MED16: variants seen among roughly 807,000 people sequenced by gnomAD.
The protein encoded by MED16 is mediator of RNA polymerase II transcription subunit 16.
Under a neutral mutation model 84.4 loss-of-function variants are expected in MED16, and 81 were observed. That is an observed-to-expected ratio of 0.96 (90% CI 0.80 to 1.15). MED16 has a LOEUF of 1.15. MED16 is among the 50% of genes most tolerant of loss of function. The pLI, the probability that MED16 is intolerant of heterozygous loss-of-function variation, is 0.00. For missense variants in MED16, 1,585 were observed against 1,245.9 expected (o/e 1.27, Z -4.10); for synonymous variants, 897 against 552.2 (o/e 1.62, Z -8.76).
intron 9 of MED16, among the ~76,000 whole-genome samples, chr19:875,806 C>T (rs1377585487): frequency 2.0e-5 from 3 of 152,130 alleles, no homozygotes; most frequent in Admixed American, 2.0e-4. Context: ...CTCCAGCCCC[C>T]GATGTCTGTG....
chr19:890,855 G>C (rs557691385), intron 2 of MED16, 108 bp downstream of exon 2: 41 of 1,217,166 alleles, frequency 3.4e-5, no homozygotes, highest in Admixed American at 1.9e-4. Context: ...GGGTGAGTGA[G>C]AGGTGGCCTG....
chr19:877,331 G>GTCTGTACCT, intron 8 of MED16, 151 bp from the exon 9 acceptor site: 1 of 724,018 alleles, frequency 1.4e-6, no homozygotes, highest in Non-Finnish European at 2.3e-6. Context: ...TGTCTGTAGC[G>GTCTGTACCT]TCTGTACCTT....
chr19:875,106 G>A (rs2036197866), intron 10 of MED16, 138 bp downstream of exon 10: 2 of 536,986 alleles, frequency 3.7e-6, no homozygotes, highest in Non-Finnish European at 6.1e-6. Context: ...GGAGGCTGCA[G>A]TGAGCTGAGA....
intron 10 of MED16, among the ~76,000 whole-genome samples, chr19:874,077 G>A (rs959693996): frequency 3.3e-5 from 5 of 152,124 alleles, no homozygotes; most frequent in East Asian, 1.9e-4. Flanking sequence ...GGAGTGCCAC[G>A]TGTCCACACT....
In MED16 at chr19:881,629, G is replaced by C; in HGVS notation, c.1071C>G (p.Pro357=). 1.2e-6 allele frequency: 2 copies of C among 1,612,780 alleles called. No individual in the cohort carries two copies. Among genetic ancestry groups the C allele is most frequent in the Non-Finnish European group, 1.7e-6 (2 of 1,179,948 alleles). The part of the protein sequence containing the change: ...DLDRVSAVAL[P]KLPISLTNTD... Reference sequence around the variant, plus strand: ...TGTTGGTGAGCGAGATGGGCAGCTTGGGCAGCGCCACGGCCGACACACGGT... The same window carrying C: ...TGTTGGTGAGCGAGATGGGCAGCTTCGGCAGCGCCACGGCCGACACACGGT... The change falls in exon 7 of 16, where the codon CCC becomes CCG. Residue 357 remains proline (P), a synonymous_variant. Transcript: ENST00000325464.
At position 885,833 on chromosome 19, in the gene MED16, G is replaced by A. The variant is rs1026695458; in HGVS notation, c.816C>T (p.Asn272=). 1.9e-6 allele frequency: 3 copies of A among 1,613,678 alleles called. No homozygotes were observed. Among genetic ancestry groups the A allele is most frequent in the Middle Eastern group, 1.6e-4 (1 of 6,062 alleles). The part of the protein sequence containing the change: ...SLFMRCTTDL[N]RKDKFPAITH... ...TGATGGCGGGAAACTTGTCCTTGCGGTTGAGGTCGGTGGTGCAGCGCATGA... is the reference window on the plus strand; with the variant it reads ...TGATGGCGGGAAACTTGTCCTTGCGATTGAGGTCGGTGGTGCAGCGCATGA... Residue 272 remains asparagine (N), a synonymous_variant, in exon 5 of 16, where the codon AAC becomes AAT. Coordinates refer to ENST00000325464, the MANE Select transcript of MED16 (RefSeq NM_005481.3).
chr19:890,729 C>T (rs753921287), intron 2 of MED16, among the ~76,000 whole-genome samples: 1 of 152,228 alleles, frequency 6.6e-6, no homozygotes, highest in Non-Finnish European at 1.5e-5. Flanking sequence ...CAGCCCGATT[C>T]GATCCCGCAC....
rs746286729 is a variant in MED16, at chr19:881,555, G to A, written c.1141+4C>T. 9.6e-5 allele frequency: 155 copies of A among 1,607,784 alleles called. 1 individual carries two copies. The South Asian group carries it at 1.2e-3, about 12-fold the overall frequency. On this transcript the variant is annotated splice_donor_region_variant and intron_variant, in intron 7 of 15. Transcript: ENST00000325464. The stretch of plus-strand genomic sequence containing the variant: ...CCGCGTGGCTGCCGCTGGCTCCACC[G>A]TACCGAGGCCAGGGTAGAACTGTGT...
At chr19:891,474 G>A (rs1297918830) in intron 1 of MED16, among the ~76,000 whole-genome samples, 1 of 152,204 alleles carries the variant, frequency 6.6e-6, no homozygotes, top group Admixed American at 6.5e-5. Flanking sequence ...GCAGCGGAGG[G>A]TCTGCGCTGG....
In MED16 at chr19:881,897, T is replaced by C. The variant is rs180764132; in HGVS notation, c.986-183A>G. Among the ~76,000 whole-genome samples the C allele has an allele frequency of 1.2e-3, 187 of 152,216 alleles. 1 individual carries two copies. The highest frequency in any genetic ancestry group is 4.0e-3 in the African/African-American group (166 of 41,534). Reference sequence around the variant, plus strand: ...TCCGAGCGCTTCGTGCCTCGGCCACTCATTGGTTCCAGGATGGGCACGTGA... The same window carrying C: ...TCCGAGCGCTTCGTGCCTCGGCCACCCATTGGTTCCAGGATGGGCACGTGA... On this transcript the variant is annotated intron_variant, in intron 6 of 15. Coordinates refer to ENST00000325464, the MANE Select transcript of MED16 (RefSeq NM_005481.3).
chr19:891,922 T>C (rs1353235317), intron 1 of MED16, among the ~76,000 whole-genome samples: 3 of 120,126 alleles, frequency 2.5e-5, no homozygotes, highest in Middle Eastern at 4.8e-3. Context: ...GAGGCGGGGC[T>C]GAGTGTGATG....
Position 879,973 on chromosome 19 carries a change from C to A in MED16, c.1317G>T (p.Thr439=), listed in dbSNP as rs770968682. The change falls in exon 8 of 16, where the codon ACG becomes ACT. Residue 439 remains threonine (T), a synonymous_variant. Transcript: ENST00000325464. The part of the protein sequence containing the change: ...VHLKAMQLSW[T]SLALVGIDSH... The stretch of plus-strand genomic sequence containing the variant: ...TGTCAATCCCCACCAGGGCCAGTGA[C>A]GTCCACGATAGCTGCATAGCCTTTA... 2 of 1,606,828 alleles carry A rather than the reference C, an allele frequency of 1.2e-6. No homozygotes were observed. Among genetic ancestry groups the A allele is most frequent in the East Asian group, 4.5e-5 (2 of 44,750 alleles).
At chr19:872,654 G>T (rs987866909) in intron 11 of MED16, among the ~76,000 whole-genome samples, 6 of 151,930 alleles carry the variant, frequency 3.9e-5, no homozygotes, top group Admixed American at 1.3e-4. Context: ...TGTACCGGCG[G>T]GGGGGTGGGG....
chr19:881,154 T>C (rs1015188629), intron 7 of MED16, among the ~76,000 whole-genome samples: 4 of 151,932 alleles, frequency 2.6e-5, no homozygotes, highest in Non-Finnish European at 4.4e-5. Flanking sequence ...GCTGAGCAAA[T>C]AGGGTAGGCA....
intron 2 of MED16, among the ~76,000 whole-genome samples, chr19:890,648 A>G (rs899427173): frequency 5.3e-5 from 8 of 152,222 alleles, no homozygotes; most frequent in Non-Finnish European, 7.3e-5. Context: ...GCACCTTTCA[A>G]AAACCAGTGA....
intron 8 of MED16, among the ~76,000 whole-genome samples, chr19:877,493 C>G (rs73492573): frequency 6.6e-6 from 1 of 150,480 alleles, no homozygotes; most frequent in African/African-American, 2.5e-5. Context: ...CTCCTAGTTA[C>G]GAAGCTCCTA....
chr19:868,517 C>A lies in MED16; in HGVS notation c.2400-18G>T, dbSNP rs371095210. ...AGCCGCACCTGCGGGGAGGCAGGCACTGAGCGGGTTCCCACTTCCAGGCGG... is the reference window on the plus strand; with the variant it reads ...AGCCGCACCTGCGGGGAGGCAGGCAATGAGCGGGTTCCCACTTCCAGGCGG... On this transcript the variant is annotated intron_variant, in intron 14 of 15. Coordinates refer to ENST00000325464, the MANE Select transcript of MED16 (RefSeq NM_005481.3). 1 of 1,607,660 alleles carries A rather than the reference C, an allele frequency of 6.2e-7. No individual in the cohort carries two copies.
chr19:889,258 G>T (rs948477392), intron 4 of MED16, among the ~76,000 whole-genome samples: 9 of 152,148 alleles, frequency 5.9e-5, no homozygotes, highest in African/African-American at 2.2e-4. Flanking sequence ...GGGGCTCTGG[G>T]ATGTTACTAA....
At chr19:872,541 C>T (rs1230576175) in intron 11 of MED16, among the ~76,000 whole-genome samples, 1 of 151,782 alleles carries the variant, frequency 6.6e-6, no homozygotes, top group Non-Finnish European at 1.5e-5. Context: ...AAGAGAGGGA[C>T]TTCAAACCGT....
Sources: allele counts gnomAD v4.1 joint callset (sites outside exome capture counted in the v4.1 genomes callset), GRCh38; gene constraint gnomAD v4.1.1; transcripts MANE v1.5; gene names NCBI Gene and HGNC (gene_info 2026-07-23, HGNC 2026-07-21).